OTOA: variants seen among roughly 807,000 people sequenced by gnomAD.
The protein encoded by OTOA is cancer/testis antigen 108.
A neutral mutation model predicts 110.8 loss-of-function variants in OTOA; 70 were observed. That is an observed-to-expected ratio of 0.63 (90% confidence interval 0.52 to 0.77). The LOEUF (loss-of-function observed/expected upper bound fraction) is 0.77. Ranked by LOEUF, OTOA falls within the 30% of genes least tolerant of loss-of-function variation. The pLI, the probability that OTOA is intolerant of heterozygous loss-of-function variation, is 0.00. For synonymous variants in OTOA, 373 were observed against 431.5 expected, an observed-to-expected ratio of 0.86 and a Z score of 1.68; for missense variants, 917 against 1,075.8, an observed-to-expected ratio of 0.85 and a Z score of 2.06.
intron 17 of OTOA, among the ~76,000 whole-genome samples, chr16:21,719,919 A>G (rs1481948145): frequency 6.6e-6 from 1 of 150,846 alleles, no homozygotes; most frequent in Non-Finnish European, 1.5e-5. Context: ...TATGGAGGCT[A>G]TTTAACCTTT....
In OTOA at chr16:21,697,775, A is replaced by C; in HGVS notation, c.740A>C (p.Asp247Ala). 4.3e-6 allele frequency: 7 copies of C among 1,613,870 alleles called. No individual in the cohort carries two copies. The highest frequency in any genetic ancestry group is 5.9e-6 in the Non-Finnish European group (7 of 1,179,804). ...TTATTCATTTCTTTATTTTTTGTAG[A>C]TGACTCTGCTTCATGGGTCAGTGCG... Reference protein sequence around the residue: ...GILQTSSNATDDSASWVSAEH... With the variant: ...GILQTSSNATADSASWVSAEH... The change falls in exon 10 of 29, where the codon GAT becomes GCT. Residue 247 changes from aspartate to alanine, a missense_variant and splice_region_variant. By Grantham distance (126) the Asp-to-Ala change is moderately radical. Coordinates refer to ENST00000646100, the MANE Select transcript of OTOA (RefSeq NM_144672.4).
At chr16:21,738,043 G>A (rs1284545251) in intron 22 of OTOA, among the ~76,000 whole-genome samples, 2 of 151,926 alleles carry the variant, frequency 1.3e-5, no homozygotes, top group African/African-American at 2.4e-5. Context: ...AAAATATATG[G>A]TATATTGTAT....
At chr16:21,726,436 T>G in intron 18 of OTOA, 87 bp from the exon 19 acceptor site, 76 of 1,543,272 alleles carry the variant, frequency 4.9e-5, no homozygotes, top group Non-Finnish European at 6.0e-5. Context: ...GTCTTTGGGA[T>G]GAGCTCTTGG....
At chr16:21,681,640 G>T in intron 5 of OTOA, 98 bp from the exon 6 acceptor site, 1 of 943,590 alleles carries the variant, frequency 1.1e-6, no homozygotes, top group Non-Finnish European at 1.7e-6. Context: ...TAACACCCCT[G>T]GTCCATCCCT....
In OTOA at chr16:21,684,437, T is replaced by C; in HGVS notation, c.268-793T>C. 2.0e-6 allele frequency: 3 copies of C among 1,536,962 alleles called. No individual in the cohort carries two copies. The Admixed American group carries it at 6.0e-5, about 31-fold the overall frequency. Reference sequence around the variant, plus strand: ...CCACAGAGTATGTTCATTTCGCCTGTATTTTGCTCCTGCGCTGGTAGCTTG... The same window carrying C: ...CCACAGAGTATGTTCATTTCGCCTGCATTTTGCTCCTGCGCTGGTAGCTTG... On this transcript the variant is annotated intron_variant, in intron 6 of 28. Transcript: ENST00000646100.
chr16:21,696,447 T>C (rs1183913705), intron 9 of OTOA, among the ~76,000 whole-genome samples: 2 of 152,102 alleles, frequency 1.3e-5, no homozygotes, highest in Non-Finnish European at 2.9e-5. Context: ...GGAGAATGTT[T>C]TGGGGAGGTA....
In OTOA at chr16:21,678,468, ATT is replaced by A. The variant is rs1491238161; in HGVS notation, c.-4-42_-4-41del. The A allele has an allele frequency of 4.7e-3, 5,067 of 1,086,784 alleles. 35 individuals carry two copies. The highest frequency in any genetic ancestry group is 5.3e-3 in the Non-Finnish European group (3,881 of 733,048). 67.3% of individuals were successfully genotyped at this position (1,086,784 alleles called of 1,614,324 possible). A position where few individuals can be genotyped will look rare whatever the true frequency, so the allele number is the denominator to read the frequency against. ...TGTGTGTGTGTGTATATATATATATATTAAAAAAACATGAATCACTTCTATGC... is the reference window on the plus strand; with the variant it reads ...TGTGTGTGTGTGTATATATATATATAAAAAAAACATGAATCACTTCTATGC... On this transcript the variant is annotated intron_variant, in intron 1 of 28. Transcript: ENST00000646100.
chr16:21,692,194 G>T (rs1897843843), intron 9 of OTOA, among the ~76,000 whole-genome samples: 1 of 152,182 alleles, frequency 6.6e-6, no homozygotes, highest in African/African-American at 2.4e-5. Flanking sequence ...GGGCGTGGTG[G>T]CGGGCACCTG....
intron 22 of OTOA, among the ~76,000 whole-genome samples, chr16:21,737,426 T>C (rs1179004046): frequency 6.6e-6 from 1 of 152,284 alleles, no homozygotes; most frequent in Non-Finnish European, 1.5e-5. Context: ...GGTTTCACAA[T>C]GTTGGCCAGG....
intron 19 of OTOA, among the ~76,000 whole-genome samples, chr16:21,727,357 A>C (rs1027931763): frequency 3.3e-5 from 5 of 152,116 alleles, no homozygotes; most frequent in African/African-American, 1.2e-4. Context: ...GCAATGTATT[A>C]TTTAATGTAA....
At chr16:21,711,725 C>G (rs1458296441) in intron 13 of OTOA, among the ~76,000 whole-genome samples, 1 of 152,112 alleles carries the variant, frequency 6.6e-6, no homozygotes, top group Non-Finnish European at 1.5e-5. Context: ...CCTCAGCCTC[C>G]CAAAGTGCTG....
intron 1 of OTOA, among the ~76,000 whole-genome samples, chr16:21,664,841 G>A (rs375298597): frequency 2.6e-5 from 4 of 151,956 alleles, no homozygotes; most frequent in East Asian, 1.9e-4. Flanking sequence ...GTGTGGTGGC[G>A]GGCGCCTGTA....
At chr16:21,715,794 A>G (rs920398497) in intron 14 of OTOA, among the ~76,000 whole-genome samples, 1 of 151,790 alleles carries the variant, frequency 6.6e-6, no homozygotes, top group Admixed American at 6.6e-5. Context: ...CTGGGATTAT[A>G]GGTGTGAGCC....
chr16:21,728,116 C>T lies in OTOA; in HGVS notation c.2017-125C>T, dbSNP rs190529950. 35 of 1,187,426 alleles carry T rather than the reference C, an allele frequency of 2.9e-5. 1 individual carries two copies. Among genetic ancestry groups the T allele is most frequent in the East Asian group, 2.2e-4 (9 of 41,214 alleles). The allele number at this position is 1,187,426 out of a possible 1,614,324, so 73.6% of individuals were successfully genotyped here. ...CTGGCCTCAAATGATCTGTCTGCCT[C>T]GGCCTCCCAGAGTGCTGGGATTATA... On this transcript the variant is annotated intron_variant, in intron 19 of 28. Coordinates refer to ENST00000646100, the MANE Select transcript of OTOA (RefSeq NM_144672.4).
chr16:21,689,315 G>A (rs956880300), intron 8 of OTOA, among the ~76,000 whole-genome samples: 1 of 152,108 alleles, frequency 6.6e-6, no homozygotes, highest in Non-Finnish European at 1.5e-5. Flanking sequence ...CGTTTCTCTA[G>A]GTTGCCAGTT....
At chr16:21,758,072 T>C (rs1900052123) in intron 28 of OTOA, among the ~76,000 whole-genome samples, 1 of 151,664 alleles carries the variant, frequency 6.6e-6, no homozygotes, top group South Asian at 2.1e-4. Context: ...GGGAGGGTGA[T>C]AGTGACTGAG....
chr16:21,698,128 T>C (rs1897981278), intron 10 of OTOA, among the ~76,000 whole-genome samples: 1 of 152,172 alleles, frequency 6.6e-6, no homozygotes, highest in Admixed American at 6.5e-5. Context: ...ACATCTCTGA[T>C]GTGAGCAAAC....
chr16:21,705,687 C>G (rs964959783), intron 12 of OTOA, among the ~76,000 whole-genome samples: 2 of 152,106 alleles, frequency 1.3e-5, no homozygotes, highest in Non-Finnish European at 2.9e-5. Context: ...TGGTTCACAC[C>G]TGTAATCCCA....
At chr16:21,735,216 C>G (rs1044986174) in intron 21 of OTOA, among the ~76,000 whole-genome samples, 3 of 151,806 alleles carry the variant, frequency 2.0e-5, no homozygotes, top group Non-Finnish European at 2.9e-5. Context: ...AAGCATGATG[C>G]TGGCATCTGC....
Sources: gnomAD v4.1 joint callset for allele counts (sites outside exome capture counted in the v4.1 genomes callset) on GRCh38, gnomAD v4.1.1 for gene constraint, MANE v1.5 for transcripts, NCBI Gene and HGNC (gene_info 2026-07-23, HGNC 2026-07-21) for gene names.